Variants in ART3 observed in about 807,000 individuals in gnomAD.
The protein encoded by ART3 is ADP-ribosyltransferase 3 (inactive), also known as ecto-ADP-ribosyltransferase 3.
A neutral mutation model predicts 48.5 loss-of-function variants in ART3; 49 were observed. The ratio of observed to expected loss-of-function variants is 1.01; its 90% confidence interval spans 0.80 to 1.28. The LOEUF (loss-of-function observed/expected upper bound fraction) is 1.28, where lower values mean the gene tolerates loss of function less well. Ranked by LOEUF, ART3 falls within the 50% of genes most tolerant of loss-of-function variation. The pLI is 0.00. For missense variants in ART3, 438 were observed against 454.3 expected, an observed-to-expected ratio of 0.96 and a Z score of 0.33; for synonymous variants, 145 against 157.2, an observed-to-expected ratio of 0.92 and a Z score of 0.58.
At chr4:76,106,684 T>C (rs1728542140) in intron 10 of ART3, among the ~76,000 whole-genome samples, 1 of 152,188 alleles carries the variant, frequency 6.6e-6, no homozygotes, top group African/African-American at 2.4e-5. Context: ...CCCACTGTTT[T>C]ACTGGGGCCC....
chr4:76,034,985 T>A, intron 1 of ART3: 1 of 1,505,412 alleles, frequency 6.6e-7, no homozygotes, highest in East Asian at 2.3e-5. Flanking sequence ...CATTATTTTC[T>A]TTTTCAAAAG....
chr4:76,019,473 T>C (rs903454277), intron 1 of ART3, among the ~76,000 whole-genome samples: 2 of 81,834 alleles, frequency 2.4e-5, no homozygotes, highest in Admixed American at 1.3e-4. Context: ...AAATTCAATC[T>C]GATAAAAAAG....
chr4:76,043,401 G>A (rs569400517), intron 1 of ART3, among the ~76,000 whole-genome samples: 2 of 152,154 alleles, frequency 1.3e-5, no homozygotes, highest in South Asian at 4.2e-4. Context: ...GGGGTGGGAG[G>A]CTCAGGCATG....
At chr4:76,073,632 C>G (rs904759960), upstream of ART3, among the ~76,000 whole-genome samples, 2 of 152,192 alleles carry the variant, frequency 1.3e-5, no homozygotes, top group Non-Finnish European at 2.9e-5. Context: ...CTGAATTTGT[C>G]AATGTAATTG....
chr4:76,072,523 A>G (rs1720423938), upstream of ART3, among the ~76,000 whole-genome samples: 1 of 151,920 alleles, frequency 6.6e-6, no homozygotes, highest in Admixed American at 6.6e-5. Flanking sequence ...GATTCAAGCC[A>G]CCATAATCTC....
chr4:76,030,305 C>T (rs1331884324), intron 1 of ART3, among the ~76,000 whole-genome samples: 1 of 152,210 alleles, frequency 6.6e-6, no homozygotes, highest in East Asian at 1.9e-4. Context: ...ATCCACCCGC[C>T]TCGGCCTCCC....
chr4:76,106,338 C>A (rs1183351766), intron 10 of ART3: 1 of 985,300 alleles, frequency 1.0e-6, no homozygotes, highest in Non-Finnish European at 1.2e-6. Context: ...TACAGATGGT[C>A]TCCAAGTTAC....
chr4:76,110,918 T>C (rs1443337038), intron 11 of ART3, among the ~76,000 whole-genome samples: 2 of 151,678 alleles, frequency 1.3e-5, no homozygotes, highest in Non-Finnish European at 2.9e-5. Flanking sequence ...TTTACTACCA[T>C]AAAACATACA....
chr4:76,018,647 A>G (rs749896672), intron 1 of ART3, among the ~76,000 whole-genome samples: 5 of 152,248 alleles, frequency 3.3e-5, no homozygotes, highest in Admixed American at 2.0e-4. Flanking sequence ...TATGCCATGA[A>G]AAGTCTCCCT....
At chr4:76,052,113 G>A (rs1736168858) in intron 1 of ART3, among the ~76,000 whole-genome samples, 1 of 151,950 alleles carries the variant, frequency 6.6e-6, no homozygotes, top group South Asian at 2.1e-4. Flanking sequence ...GTTTCGCCAT[G>A]CTCACGCCTG....
chr4:76,033,067 A>G (rs892421442), intron 1 of ART3, among the ~76,000 whole-genome samples: 2 of 152,148 alleles, frequency 1.3e-5, no homozygotes, highest in Non-Finnish European at 1.5e-5. Context: ...TTTCAAATGT[A>G]TGGGTGCCTA....
intron 1 of ART3, among the ~76,000 whole-genome samples, chr4:76,020,874 A>G: frequency 6.6e-6 from 1 of 152,180 alleles, no homozygotes; most frequent in Non-Finnish European, 1.5e-5. Context: ...AGAGATTAAA[A>G]AAAAAAGAAA....
intron 1 of ART3, among the ~76,000 whole-genome samples, chr4:76,038,203 T>C (rs1016561263): frequency 2.0e-5 from 3 of 152,140 alleles, no homozygotes; most frequent in African/African-American, 4.8e-5. Flanking sequence ...CAATAAGATA[T>C]TTGAAGAGAG....
intron 3 of ART3, among the ~76,000 whole-genome samples, chr4:76,096,353 C>G (rs2149646885): frequency 6.6e-6 from 1 of 152,308 alleles, no homozygotes; most frequent in African/African-American, 2.4e-5. Flanking sequence ...GAAAGTGGAC[C>G]AAATCACCTG....
At chr4:76,036,518 A>G (rs1734426527) in intron 1 of ART3, among the ~76,000 whole-genome samples, 1 of 152,104 alleles carries the variant, frequency 6.6e-6, no homozygotes, top group Admixed American at 6.6e-5. Flanking sequence ...ATTATTTGAC[A>G]CCAGATGACC....
intron 11 of ART3, among the ~76,000 whole-genome samples, chr4:76,108,287 A>G (rs780913593): frequency 6.6e-6 from 1 of 152,120 alleles, no homozygotes; most frequent in Non-Finnish European, 1.5e-5. Context: ...ATTGGAAGCT[A>G]TTCTATACAG....
Position 76,062,600 on chromosome 4 carries a change from G to T in ART3, c.-9-13281G>T, listed in dbSNP as rs556763405. Among the ~76,000 whole-genome samples, 82 of 122,432 alleles carry T rather than the reference G, an allele frequency of 6.7e-4. 1 individual carries two copies. The highest frequency in any genetic ancestry group is 2.6e-3 in the African/African-American group (81 of 31,192). 80.3% of individuals were successfully genotyped at this position (122,432 alleles called of 152,430 possible). On this transcript the variant is annotated intron_variant, in intron 1 of 9. Transcript: ENST00000341029. Reference sequence around the variant, plus strand: ...TTTTGAGACAGAGTCTCGCTCTGTTGCCCAGACTGGAGTGCAGTGGTGGGA... The same window carrying T: ...TTTTGAGACAGAGTCTCGCTCTGTTTCCCAGACTGGAGTGCAGTGGTGGGA...
At chr4:76,092,932 A>G (rs1203977670) in intron 3 of ART3, among the ~76,000 whole-genome samples, 1 of 152,252 alleles carries the variant, frequency 6.6e-6, no homozygotes, top group African/African-American at 2.4e-5. Context: ...AAAACAACAC[A>G]TCTAGATTTA....
At chr4:76,030,464 T>C (rs1733778911) in intron 1 of ART3, among the ~76,000 whole-genome samples, 1 of 152,244 alleles carries the variant, frequency 6.6e-6, no homozygotes, top group African/African-American at 2.4e-5. Flanking sequence ...TAGCCCTTCT[T>C]CTTTTTATGA....
Sources: gnomAD v4.1 joint callset for allele counts (sites outside exome capture counted in the v4.1 genomes callset) on GRCh38, gnomAD v4.1.1 for gene constraint, MANE v1.5 for transcripts, NCBI Gene and HGNC (gene_info 2026-07-23, HGNC 2026-07-21) for gene names.